Variants in CACNA2D4 observed in about 807,000 individuals in gnomAD.
The protein encoded by CACNA2D4 is calcium voltage-gated channel auxiliary subunit alpha2delta 4.
Under a neutral mutation model 163.8 loss-of-function variants are expected in CACNA2D4, and 157 were observed. The ratio of observed to expected loss-of-function variants is 0.96; its 90% CI spans 0.84 to 1.09. The LOEUF (loss-of-function observed/expected upper bound fraction) is 1.09. Among genes scored for constraint, CACNA2D4 ranks in the 50% least tolerant of loss-of-function variants. The pLI, the probability that CACNA2D4 is intolerant of heterozygous loss-of-function variation, is 0.00. For missense variants in CACNA2D4, 1,410 were observed against 1,479.9 expected, an observed-to-expected ratio of 0.95 and a Z score of 0.78; for synonymous variants, 598 against 586.9, an observed-to-expected ratio of 1.02 and a Z score of -0.27.
At position 1,897,439 on chromosome 12, in the gene CACNA2D4, C is replaced by T. The variant is rs116680027; in HGVS notation, c.781+10001G>A. ...TCCAGGTGATGGACATCCCCAAATA[C>T]TCTGACTTGATCATTACACCTTCTG... On this transcript the variant is annotated intron_variant, in intron 6 of 37. Coordinates refer to ENST00000382722, the MANE Select transcript of CACNA2D4 (RefSeq NM_172364.5). 1.8e-3 allele frequency among the ~76,000 whole-genome samples: 280 copies of T among 152,294 alleles called. 2 individuals carry two copies. Among genetic ancestry groups the T allele is most frequent in the African/African-American group, 6.6e-3 (274 of 41,576 alleles).
rs60739615 is a variant in CACNA2D4 at position 1,802,015 on chromosome 12, C to CTGTGTGTGTGTG, written c.2722-383_2722-372dup. On this transcript the variant is annotated intron_variant, in intron 29 of 37. Coordinates refer to ENST00000382722, the MANE Select transcript of CACNA2D4 (RefSeq NM_172364.5). This position sits in a 1 kb window ranked among gnomAD's most constrained non-coding sequence, Gnocchi z 4.7. ...TATGAAACTGGATTTGTTTTATATG[C>CTGTGTGTGTGTG]TGTGTGTGTGTGTGTGTGTGTGTGT... 4.3e-4 allele frequency among the ~76,000 whole-genome samples: 62 copies of CTGTGTGTGTGTG among 144,270 alleles called. No homozygotes were observed. In the East Asian group the frequency reaches 7.1e-3, roughly 17 times the overall value. The allele number at this position is 144,270 out of a possible 152,430, so 94.6% of individuals were successfully genotyped here. A position where few individuals can be genotyped will look rare whatever the true frequency, so the allele number is the denominator to read the frequency against.
Position 1,799,584 on chromosome 12 carries a change from C to T in CACNA2D4, c.2995+91G>A. 1 of 1,385,666 alleles carries T rather than the reference C, an allele frequency of 7.2e-7. No individual in the cohort carries two copies. The highest frequency in any genetic ancestry group is 1.0e-6 in the Non-Finnish European group (1 of 998,510). 85.8% of individuals were successfully genotyped at this position (1,385,666 alleles called of 1,614,324 possible). A position where few individuals can be genotyped will look rare whatever the true frequency, so the allele number is the denominator to read the frequency against. ...AGCTCAGCCCTGCTTGGGGTCATTC[C>T]TGGGACAGGTCATGGAGGGTGGGTT... is the stretch of plus-strand genomic sequence containing the variant. On this transcript the variant is annotated intron_variant, in intron 34 of 37. Coordinates refer to ENST00000382722, the MANE Select transcript of CACNA2D4 (RefSeq NM_172364.5). The surrounding 1 kb of genome is among the most constrained non-coding windows in gnomAD (Gnocchi z 4.7).
chr12:1,846,616 C>A lies in CACNA2D4; in HGVS notation c.2320G>T (p.Gly774Cys). Residue 774 changes from glycine (G) to cysteine (C), a missense_variant, in exon 24 of 38, where the codon GGC becomes TGC. Coordinates refer to ENST00000382722, the MANE Select transcript of CACNA2D4 (RefSeq NM_172364.5). The stretch of plus-strand genomic sequence containing the variant: ...CACCTGTCGGAGACCTTCTCGGAGC[C>A]CACGAACAAGCTGCTTCTCAGGAGG... ...AGLLRSSLFV[G>C]SEKVSDRKFL... The A allele has an allele frequency of 6.2e-7, 1 of 1,601,474 alleles. No homozygotes were observed. The highest frequency in any genetic ancestry group is 2.2e-5 in the East Asian group (1 of 44,496).
chr12:1,822,850 G>A (rs762786496), intron 26 of CACNA2D4, among the ~76,000 whole-genome samples: 11 of 152,154 alleles, frequency 7.2e-5, no homozygotes, highest in East Asian at 1.9e-4. Context: ...CCTCCCCTGC[G>A]TCCTGGCCAC....
intron 26 of CACNA2D4, among the ~76,000 whole-genome samples, chr12:1,837,295 C>T (rs191642516): frequency 3.2e-3 from 488 of 152,230 alleles, no homozygotes; most frequent in African/African-American, 0.01. Flanking sequence ...TGGATGCTGG[C>T]GGGGCTGCTG....
intron 18 of CACNA2D4, among the ~76,000 whole-genome samples, chr12:1,872,732 A>G (rs1398451119): frequency 6.6e-6 from 1 of 152,096 alleles, no homozygotes; most frequent in Non-Finnish European, 1.5e-5. Context: ...GCGGCCCCAC[A>G]CCAGCAAAAT....
chr12:1,899,275 C>A (rs1866483917), intron 6 of CACNA2D4, among the ~76,000 whole-genome samples: 1 of 150,968 alleles, frequency 6.6e-6, no homozygotes, highest in Admixed American at 6.6e-5. Context: ...GGAGGAGGAA[C>A]AAAATAAACC....
At chr12:1,911,846 G>A (rs1394800272) in intron 3 of CACNA2D4, among the ~76,000 whole-genome samples, 2 of 152,144 alleles carry the variant, frequency 1.3e-5, no homozygotes, top group South Asian at 2.1e-4. Context: ...TTTACACAAC[G>A]CTCACTGATT....
Position 1,821,634 on chromosome 12 carries a change from C to T in CACNA2D4, c.2552-9911G>A, listed in dbSNP as rs58625032. The stretch of plus-strand genomic sequence containing the variant: ...CTGAGCTTGGGTGGGGGGTACACAG[C>T]GGGGCCAGGCCTGCCTGGCTTCTTG... On this transcript the variant is annotated intron_variant, in intron 26 of 37. Coordinates refer to ENST00000382722, the MANE Select transcript of CACNA2D4 (RefSeq NM_172364.5). Among the ~76,000 whole-genome samples, 526 of 152,224 alleles carry T rather than the reference C, an allele frequency of 3.5e-3. 2 individuals are homozygous for T. The highest frequency in any genetic ancestry group is 0.012 in the African/African-American group (491 of 41,546).
intron 18 of CACNA2D4, among the ~76,000 whole-genome samples, chr12:1,863,787 ACCAT>A (rs1405298816): frequency 6.6e-6 from 1 of 152,114 alleles, no homozygotes; most frequent in Non-Finnish European, 1.5e-5. Flanking sequence ...CCTGTGTACA[ACCAT>A]CCCAAGCCAC....
In CACNA2D4 at chr12:1,806,612, G is replaced by C. The variant is rs937085632; in HGVS notation, c.2721+3666C>G. Among the ~76,000 whole-genome samples the C allele has an allele frequency of 6.6e-6, 1 of 152,200 alleles. No homozygotes were observed. The highest frequency in any genetic ancestry group is 1.5e-5 in the Non-Finnish European group (1 of 68,034). ...TGGAAGCCTTTGACATATTTGCCTA[G>C]TCAGGAAAGTGACAGCAGCCAGCTA... On this transcript the variant is annotated intron_variant, in intron 29 of 37. Transcript: ENST00000382722. The surrounding 1 kb of genome is among the most constrained non-coding windows in gnomAD (Gnocchi z 4.1).
At position 1,907,875 on chromosome 12, in the gene CACNA2D4, C is replaced by A; in HGVS notation, c.649G>T (p.Asp217Tyr). ...VQLPTNVYNK[D>Y]PDILNGVYMS... ...TGCCTGAGCTGAGCGTGCCGGCTAC[C>A]TTTGTTGTACACGTTGGTGGGCAGC... Residue 217 changes from aspartate (D) to tyrosine (Y), a missense_variant and splice_region_variant, in exon 5 of 38, where the codon GAC becomes TAC. Transcript: ENST00000382722. 6.2e-7 allele frequency: 1 copy of A among 1,613,988 alleles called. No individual in the cohort carries two copies. The highest frequency in any genetic ancestry group is 8.5e-7 in the Non-Finnish European group (1 of 1,179,872).
Position 1,844,585 on chromosome 12 carries a change from CT to C in CACNA2D4, c.2343-57del. On this transcript the variant is annotated intron_variant, in intron 24 of 37. Coordinates refer to ENST00000382722, the MANE Select transcript of CACNA2D4 (RefSeq NM_172364.5). The surrounding 1 kb of genome is among the most constrained non-coding windows in gnomAD (Gnocchi z 4.2). ...CAGATCTGTGAACACAGTCATCACT[CT>C]TTCCTTTTCTCACACAAGGTCAACT... 2 of 1,565,910 alleles carry C rather than the reference CT, an allele frequency of 1.3e-6. No individual in the cohort carries two copies. Among genetic ancestry groups the C allele is most frequent in the Non-Finnish European group, 1.7e-6 (2 of 1,148,326 alleles).
chr12:1,862,367 C>T (rs1458374887), intron 18 of CACNA2D4, among the ~76,000 whole-genome samples: 2 of 152,192 alleles, frequency 1.3e-5, no homozygotes. Context: ...CACAGCGCTG[C>T]CAGTATTTGG....
In CACNA2D4 at chr12:1,843,273, G is replaced by A. The variant is rs1865070640; in HGVS notation, c.2470+1129C>T. Among the ~76,000 whole-genome samples the A allele has an allele frequency of 1.3e-5, 2 of 152,052 alleles. No homozygotes were observed. The highest frequency in any genetic ancestry group is 4.8e-5 in the African/African-American group (2 of 41,400). On this transcript the variant is annotated intron_variant, in intron 25 of 37. Transcript: ENST00000382722. The surrounding 1 kb of genome is among the most constrained non-coding windows in gnomAD (Gnocchi z 4.6). The stretch of plus-strand genomic sequence containing the variant: ...TGCCTTCCCTGTCCTGGTCCCAGGA[G>A]GATCCCCGGGATCCTGGGCCTCCCC...
At chr12:1,816,747 C>T (rs1347645619) in intron 26 of CACNA2D4, among the ~76,000 whole-genome samples, 5 of 152,200 alleles carry the variant, frequency 3.3e-5, no homozygotes, top group Non-Finnish European at 7.3e-5. Flanking sequence ...TGTGCATGCA[C>T]ACACACATAC....
In CACNA2D4 at chr12:1,913,022, C is replaced by A. The variant is rs767991383; in HGVS notation, c.426+1G>T. The stretch of plus-strand genomic sequence containing the variant: ...CCCTGCAGATCACAGGCCTGGAGTA[C>A]CTGGACCGCCTCGACTTTCCTCCGC... On this transcript the variant is annotated splice_donor_variant, in intron 3 of 37. Coordinates refer to ENST00000382722, the MANE Select transcript of CACNA2D4 (RefSeq NM_172364.5). LOFTEE classifies it high-confidence loss of function. 3 of 1,605,484 alleles carry A rather than the reference C, an allele frequency of 1.9e-6. No individual in the cohort carries two copies. Among genetic ancestry groups the A allele is most frequent in the South Asian group, 1.1e-5 (1 of 90,818 alleles).
intron 20 of CACNA2D4, 50 bp downstream of exon 20, chr12:1,858,527 A>G (rs1244464332): frequency 6.5e-7 from 1 of 1,546,450 alleles, no homozygotes; most frequent in African/African-American, 1.4e-5. Flanking sequence ...GTCCCATGAG[A>G]GCCCATTATT....
chr12:1,794,150 G>A (rs1026125148), intron 37 of CACNA2D4, among the ~76,000 whole-genome samples: 9 of 152,152 alleles, frequency 5.9e-5, no homozygotes, highest in Admixed American at 1.3e-4. Flanking sequence ...TATTATCCAC[G>A]TGACGGCCCC....
Sources: gnomAD v4.1 joint callset for allele counts (sites outside exome capture counted in the v4.1 genomes callset) on GRCh38, gnomAD v4.1.1 for gene constraint, Gnocchi (gnomAD v3.1) non-coding constraint, MANE v1.5 for transcripts, NCBI Gene and HGNC (gene_info 2026-07-23, HGNC 2026-07-21) for gene names.